FAM32A: variants seen among roughly 807,000 people sequenced by gnomAD.
The protein encoded by FAM32A is family with sequence similarity 32 member A, also known as protein FAM32A.
FAM32A carries 9 observed loss-of-function variants against 15.8 expected under a neutral mutation model. The observed-to-expected ratio is 0.57, with a 90% CI of 0.34 to 1.00. The LOEUF is 1.00. Among genes scored for constraint, FAM32A ranks in the 50% least tolerant of loss-of-function variants. The pLI is 0.02. For missense variants in FAM32A, 113 were observed against 138.3 expected, an observed-to-expected ratio of 0.82 and a Z score of 0.92; for synonymous variants, 64 against 54.9, an observed-to-expected ratio of 1.16 and a Z score of -0.73.
chr19:16,189,397 C>G (rs1157388691), intron 2 of FAM32A: 2 of 152,388 alleles, frequency 1.3e-5, no homozygotes, highest in African/African-American at 4.8e-5. Context: ...GCAGGGCCAT[C>G]AGACTTCCTG....
rs766753951 is a variant in FAM32A, at chr19:16,185,639, G to A, written c.90G>A (p.Lys30=). 1.3e-6 allele frequency: 2 copies of A among 1,599,536 alleles called. No individual in the cohort carries two copies. The highest frequency in any genetic ancestry group is 2.2e-5 in the East Asian group (1 of 44,644). The change falls in exon 2 of 4, where the codon AAG becomes AAA. Residue 30 remains lysine (K), a synonymous_variant. Coordinates refer to ENST00000263384, the MANE Select transcript of FAM32A (RefSeq NM_014077.4). Reference sequence around the variant, plus strand: ...CTTTTTCCAGGAAGAAGAAAAAGAAGGACAAAGACAAAGCGAAACTCCTGG... The same window carrying A: ...CTTTTTCCAGGAAGAAGAAAAAGAAAGACAAAGACAAAGCGAAACTCCTGG... ...LGVTKRKKKK[K]DKDKAKLLEA... is the part of the protein sequence containing the mutation.
chr19:16,190,972 T>G lies in FAM32A; in HGVS notation c.*17T>G. The G allele has an allele frequency of 6.2e-7, 1 of 1,608,962 alleles. No individual in the cohort carries two copies. Among genetic ancestry groups the G allele is most frequent in the Non-Finnish European group, 8.5e-7 (1 of 1,175,286 alleles). ...ACGAAGTAGCCGCCTGCCCCCAGTA[T>G]GGAGCAGCATCGAGGGTTCGCAAAA... On this transcript the variant is annotated 3_prime_UTR_variant, in exon 4 of 4. Transcript: ENST00000263384.
intron 2 of FAM32A, among the ~76,000 whole-genome samples, chr19:16,188,932 G>A (rs1249528343): frequency 2.0e-5 from 3 of 152,136 alleles, no homozygotes; most frequent in Admixed American, 6.6e-5. Flanking sequence ...TGGTCAGATG[G>A]CAGCTGGGCC....
chr19:16,189,598 C>T (rs2091397968), intron 2 of FAM32A: 1 of 150,802 alleles, frequency 6.6e-6, no homozygotes, highest in African/African-American at 2.4e-5. Flanking sequence ...GGGCCACAGT[C>T]ACCCAGCCAG....
rs1011336307 is a variant in FAM32A, at chr19:16,185,654, G to T, written c.105G>T (p.Ala35=). ...AGAAAAAGAAGGACAAAGACAAAGC[G>T]AAACTCCTGGAAGCAATGGGAACGA... The part of the protein sequence containing the change: ...RKKKKKDKDK[A]KLLEAMGTSK... The change falls in exon 2 of 4, where the codon GCG becomes GCT. Residue 35 remains alanine, a synonymous_variant. Coordinates refer to ENST00000263384, the MANE Select transcript of FAM32A (RefSeq NM_014077.4). 6.3e-7 allele frequency: 1 copy of T among 1,593,312 alleles called. No individual in the cohort carries two copies. Among genetic ancestry groups the T allele is most frequent in the Non-Finnish European group, 8.6e-7 (1 of 1,169,156 alleles).
chr19:16,190,460 C>T, intron 2 of FAM32A, 60 bp from the exon 3 acceptor site: 2 of 1,251,342 alleles, frequency 1.6e-6, no homozygotes, highest in South Asian at 1.3e-5. Flanking sequence ...TCTTCCACCC[C>T]ATGCCAGCCT....
intron 2 of FAM32A, among the ~76,000 whole-genome samples, chr19:16,189,939 G>GAA (rs2091399697): frequency 1.3e-5 from 2 of 151,984 alleles, no homozygotes; most frequent in East Asian, 3.9e-4. Flanking sequence ...AAAGTGCTGG[G>GAA]ATTACAGGCA....
At chr19:16,189,477 CTG>C (rs747926666) in intron 2 of FAM32A, 70 of 152,310 alleles carry the variant, frequency 4.6e-4, no homozygotes, top group African/African-American at 1.6e-3. Context: ...AGAACTGGTA[CTG>C]TGTTCCTTCG....
rs1426639270 is a variant in FAM32A, at chr19:16,190,415, G to A, written c.217-105G>A. 21 of 758,712 alleles carry A rather than the reference G, an allele frequency of 2.8e-5. 1 individual carries two copies. The South Asian group carries it at 3.0e-4, about 11-fold the overall frequency. The allele number at this position is 758,712 out of a possible 1,614,324, so 47.0% of individuals were successfully genotyped here. A position where few individuals can be genotyped will look rare whatever the true frequency, so the allele number is the denominator to read the frequency against. On this transcript the variant is annotated intron_variant, in intron 2 of 3. Transcript: ENST00000263384. ...GGCACAGAGCCTGAAACCTCCAGCT[G>A]TTCTAAATGTGAGAGCCAGTCTGGC...
chr19:16,190,752 C>A, intron 3 of FAM32A, 135 bp from the exon 4 acceptor site: 1 of 892,348 alleles, frequency 1.1e-6, no homozygotes, highest in Non-Finnish European at 1.9e-6. Flanking sequence ...GTCTGTAAGA[C>A]CTGGCAGGGT....
chr19:16,191,710 C>CTAGTAAATACAACCTAGTAAATACAA lies in FAM32A; in HGVS notation c.*755_*756insTAGTAAATACAACCTAGTAAATACAA, dbSNP rs2091408082. ...ATCCTCAGCTGGGGGCTCCTAGCAG[C>CTAGTAAATACAACCTAGTAAATACAA]CTCTTGTATTTACTCAGAGTTGACA... On this transcript the variant is annotated 3_prime_UTR_variant, in exon 4 of 4. Transcript: ENST00000263384. 2.0e-5 allele frequency: 3 copies of CTAGTAAATACAACCTAGTAAATACAA among 152,510 alleles called. No individual in the cohort carries two copies. Among genetic ancestry groups the CTAGTAAATACAACCTAGTAAATACAA allele is most frequent in the Non-Finnish European group, 2.9e-5 (2 of 68,196 alleles). The allele number at this position is 152,510 out of a possible 1,614,324, so 9.4% of individuals were successfully genotyped here. A position where few individuals can be genotyped will look rare whatever the true frequency, so the allele number is the denominator to read the frequency against.
chr19:16,190,937 A>G lies in FAM32A; in HGVS notation c.321A>G (p.Lys107=). Residue 107 remains lysine (K), a synonymous_variant, in exon 4 of 4, where the codon AAA becomes AAG. Coordinates refer to ENST00000263384, the MANE Select transcript of FAM32A (RefSeq NM_014077.4). Reference sequence around the variant, plus strand: ...TCACGGAGCATTACGACATTCCCAAAGTCAGCTGGACGAAGTAGCCGCCTG... The same window carrying G: ...TCACGGAGCATTACGACATTCCCAAGGTCAGCTGGACGAAGTAGCCGCCTG... ...DTLTEHYDIP[K]VSWTK The G allele has an allele frequency of 6.2e-7, 1 of 1,614,116 alleles. No homozygotes were observed. The highest frequency in any genetic ancestry group is 8.5e-7 in the Non-Finnish European group (1 of 1,179,962).
intron 2 of FAM32A, among the ~76,000 whole-genome samples, chr19:16,189,116 G>A (rs911003083): frequency 2.0e-5 from 3 of 148,978 alleles, no homozygotes; most frequent in South Asian, 2.1e-4. Flanking sequence ...TCCACCTCCC[G>A]GGTTCAAGCT....
chr19:16,188,819 G>T (rs540409368), intron 2 of FAM32A, among the ~76,000 whole-genome samples: 11 of 152,144 alleles, frequency 7.2e-5, no homozygotes, highest in Non-Finnish European at 1.3e-4. Flanking sequence ...GAAGGAGAAG[G>T]GGGGGACAGA....
Position 16,190,503 on chromosome 19 carries a change from G to A in FAM32A, c.217-17G>A, listed in dbSNP as rs780788522. The A allele has an allele frequency of 2.5e-6, 4 of 1,599,978 alleles. No individual in the cohort carries two copies. The South Asian group carries it at 3.4e-5, about 13-fold the overall frequency. On this transcript the variant is annotated splice_polypyrimidine_tract_variant and intron_variant, in intron 2 of 3. Coordinates refer to ENST00000263384, the MANE Select transcript of FAM32A (RefSeq NM_014077.4). ...GTTGAGCCTGTAAACTCACCTCCAT[G>A]TCTCTTCTCTCTCCAGCAAATGGAA... is the stretch of plus-strand genomic sequence containing the variant.
Position 16,191,644 on chromosome 19 carries a change from C to T in FAM32A, c.*689C>T, listed in dbSNP as rs554771503. 1 of 152,662 alleles carries T rather than the reference C, an allele frequency of 6.6e-6. No individual in the cohort carries two copies. The highest frequency in any genetic ancestry group is 2.1e-4 in the South Asian group (1 of 4,846). 9.5% of individuals were successfully genotyped at this position (152,662 alleles called of 1,614,324 possible). On this transcript the variant is annotated 3_prime_UTR_variant, in exon 4 of 4. Coordinates refer to ENST00000263384, the MANE Select transcript of FAM32A (RefSeq NM_014077.4). ...CATAGCAGACGCTGCTAATGCATCA[C>T]AGCATTCTTTGAAATGGAACCAGAC...
intron 2 of FAM32A, chr19:16,189,410 C>A (rs933513868): frequency 6.6e-6 from 1 of 152,312 alleles, no homozygotes; most frequent in Non-Finnish European, 1.5e-5. Context: ...ACTTCCTGCA[C>A]AGCAACTGGC....
Position 16,191,007 on chromosome 19 carries a change from G to A in FAM32A, c.*52G>A, listed in dbSNP as rs558776473. 1.8e-5 allele frequency: 25 copies of A among 1,355,182 alleles called. No homozygotes were observed. In the African/African-American group the frequency reaches 3.4e-4, roughly 19 times the overall value. 83.9% of individuals were successfully genotyped at this position (1,355,182 alleles called of 1,614,324 possible). Reference sequence around the variant, plus strand: ...TCGAGGGTTCGCAAAAGGCCACACTGGGGTTGTGTGTGTTTCCTTTGGTAT... The same window carrying A: ...TCGAGGGTTCGCAAAAGGCCACACTAGGGTTGTGTGTGTTTCCTTTGGTAT... On this transcript the variant is annotated 3_prime_UTR_variant, in exon 4 of 4. Coordinates refer to ENST00000263384, the MANE Select transcript of FAM32A (RefSeq NM_014077.4).
intron 2 of FAM32A, chr19:16,187,457 C>CT (rs2091390107): frequency 6.6e-6 from 1 of 150,718 alleles, no homozygotes; most frequent in African/African-American, 2.4e-5. Flanking sequence ...GAGTGAGACT[C>CT]CGTCTCAGTG....
Sources: allele counts gnomAD v4.1 joint callset (sites outside exome capture counted in the v4.1 genomes callset), GRCh38; gene constraint gnomAD v4.1.1; transcripts MANE v1.5; gene names NCBI Gene and HGNC (gene_info 2026-07-23, HGNC 2026-07-21).